Variants in NUDT3 observed in about 807,000 individuals in gnomAD.
NUDT3 encodes the protein diphosphoinositol polyphosphate phosphohydrolase 1.
NUDT3 carries 9 observed loss-of-function variants against 23.6 expected under a neutral mutation model. The observed-to-expected ratio is 0.38, with a 90% CI of 0.23 to 0.66. The LOEUF is 0.66. Among genes scored for constraint, NUDT3 ranks in the 30% least tolerant of loss-of-function variants. The probability of loss-of-function intolerance (pLI) is 0.52; values close to 1 mark genes in which losing one functional copy is unlikely to be tolerated. For synonymous variants in NUDT3, 86 were observed against 82.6 expected (o/e 1.04, Z -0.22); for missense variants, 172 against 218.5 (o/e 0.79, Z 1.34).
intron 1 of NUDT3, among the ~76,000 whole-genome samples, chr6:34,364,638 C>T (rs1764698630): frequency 6.6e-6 from 1 of 152,166 alleles, no homozygotes; most frequent in African/African-American, 2.4e-5. Context: ...CTTTACCTCC[C>T]ATCATAAATC....
In NUDT3 at chr6:34,387,673, TA is replaced by T. The variant is rs752125676; in HGVS notation, c.99+4590del. Among the ~76,000 whole-genome samples the T allele has an allele frequency of 6.7e-3, 658 of 98,768 alleles. 1 individual carries two copies. The highest frequency in any genetic ancestry group is 0.012 in the Middle Eastern group (2 of 166). 64.8% of individuals were successfully genotyped at this position (98,768 alleles called of 152,430 possible). A position where few individuals can be genotyped will look rare whatever the true frequency, so the allele number is the denominator to read the frequency against. ...AACAGAGCAAGATCTCATCTCTTTT[TA>T]AAAAAAAAAAAAAAAAAAAAAAGTG... On this transcript the variant is annotated intron_variant, in intron 1 of 4. Coordinates refer to ENST00000607016, the MANE Select transcript of NUDT3 (RefSeq NM_006703.4).
intron 1 of NUDT3, among the ~76,000 whole-genome samples, chr6:34,377,310 C>T (rs1453047822): frequency 2.0e-5 from 3 of 151,858 alleles, no homozygotes; most frequent in African/African-American, 4.8e-5. Context: ...ATCACTGCAC[C>T]GAGAATAGTG....
intron 2 of NUDT3, among the ~76,000 whole-genome samples, chr6:34,308,459 TCA>T (rs1763718274): frequency 8.6e-6 from 1 of 116,556 alleles, no homozygotes; most frequent in Non-Finnish European, 1.6e-5. Flanking sequence ...AGATCGTCTC[TCA>T]AAAAAAAAAA....
At chr6:34,379,769 C>T (rs572961330) in intron 1 of NUDT3, among the ~76,000 whole-genome samples, 143 of 151,880 alleles carry the variant, frequency 9.4e-4, no homozygotes, top group Non-Finnish European at 1.6e-3. Context: ...AATCTCAGCA[C>T]TTTGGGAGGC....
chr6:34,373,758 C>T (rs1764874711), intron 1 of NUDT3, among the ~76,000 whole-genome samples: 1 of 152,234 alleles, frequency 6.6e-6, no homozygotes, highest in Admixed American at 6.5e-5. Flanking sequence ...ATAGATGCTG[C>T]TGAAGTTGGT....
At chr6:34,328,246 T>C (rs1386906128) in intron 2 of NUDT3, among the ~76,000 whole-genome samples, 2 of 152,132 alleles carry the variant, frequency 1.3e-5, no homozygotes, top group Non-Finnish European at 2.9e-5. Flanking sequence ...TCACACTGGG[T>C]CTTCCCCTTA....
chr6:34,386,386 T>C (rs1765106927), intron 1 of NUDT3, among the ~76,000 whole-genome samples: 1 of 152,220 alleles, frequency 6.6e-6, no homozygotes, highest in African/African-American at 2.4e-5. Context: ...ATTTTCATCA[T>C]GCTGTTTGGT....
Position 34,284,338 on chromosome 6 carries a change from C to T in NUDT3, c.*4415G>A, listed in dbSNP as rs1763310499. 1 of 152,150 alleles carries T rather than the reference C, an allele frequency of 6.6e-6. No individual in the cohort carries two copies. Among genetic ancestry groups the T allele is most frequent in the Admixed American group, 6.6e-5 (1 of 15,256 alleles). The allele number at this position is 152,150 out of a possible 1,614,324, so 9.4% of individuals were successfully genotyped here. On this transcript the variant is annotated 3_prime_UTR_variant, in exon 5 of 5. Coordinates refer to ENST00000607016, the MANE Select transcript of NUDT3 (RefSeq NM_006703.4). ...TAGGATGAAGCTGTATTATCAATTA[C>T]AGAGACAGCCAACTCTCATTTCTCT... is the stretch of plus-strand genomic sequence containing the variant.
At chr6:34,336,594 C>T (rs906762749) in intron 2 of NUDT3, among the ~76,000 whole-genome samples, 6 of 152,120 alleles carry the variant, frequency 3.9e-5, no homozygotes, top group African/African-American at 1.4e-4. Flanking sequence ...TCTAAATTTG[C>T]TTTTGTTACC....
chr6:34,357,585 T>A (rs1346324286), intron 1 of NUDT3, among the ~76,000 whole-genome samples: 1 of 149,650 alleles, frequency 6.7e-6, no homozygotes, highest in African/African-American at 2.5e-5. Flanking sequence ...CTATACTGCA[T>A]CCTGGGTGAC....
chr6:34,351,216 A>AAAAAAAAC (rs1764467352), intron 1 of NUDT3, among the ~76,000 whole-genome samples: 1 of 130,732 alleles, frequency 7.6e-6, no homozygotes, highest in African/African-American at 3.4e-5. Context: ...AAAAAAAAAA[A>AAAAAAAAC]AAAAAAAAAA....
intron 2 of NUDT3, among the ~76,000 whole-genome samples, chr6:34,305,857 TTCTACTGC>T (rs1763671578): frequency 6.6e-6 from 1 of 152,250 alleles, no homozygotes; most frequent in Admixed American, 6.5e-5. Context: ...TGGTTTCTAA[TTCTACTGC>T]ATTCTATCAG....
chr6:34,367,560 T>C (rs1225097743), intron 1 of NUDT3, among the ~76,000 whole-genome samples: 1 of 150,976 alleles, frequency 6.6e-6, no homozygotes, highest in Admixed American at 6.6e-5. Flanking sequence ...GTCATGTAAG[T>C]AAATAAAAGA....
At chr6:34,289,377 A>G (rs1374239231) in intron 4 of NUDT3, among the ~76,000 whole-genome samples, 1 of 152,014 alleles carries the variant, frequency 6.6e-6, no homozygotes, top group East Asian at 1.9e-4. Context: ...GACTGGCCTG[A>G]GCAACATGGC....
intron 3 of NUDT3, 89 bp from the exon 4 acceptor site, chr6:34,293,624 G>A (rs1444757522): frequency 6.9e-7 from 1 of 1,451,680 alleles, no homozygotes; most frequent in African/African-American, 1.4e-5. Context: ...CATATGTCCA[G>A]AGAGCTCAGA....
At chr6:34,369,675 T>C (rs1001398879) in intron 1 of NUDT3, among the ~76,000 whole-genome samples, 2 of 152,230 alleles carry the variant, frequency 1.3e-5, no homozygotes, top group Non-Finnish European at 2.9e-5. Context: ...ATCAACATAT[T>C]GATCTAAAGT....
At chr6:34,295,022 T>C (rs879858890) in intron 3 of NUDT3, among the ~76,000 whole-genome samples, 8 of 152,174 alleles carry the variant, frequency 5.3e-5, no homozygotes, top group Non-Finnish European at 1.2e-4. Flanking sequence ...CTCTTTGTTA[T>C]AGTTACTTAT....
chr6:34,382,905 A>G (rs1765046078), intron 1 of NUDT3, among the ~76,000 whole-genome samples: 1 of 151,834 alleles, frequency 6.6e-6, no homozygotes, highest in South Asian at 2.1e-4. Flanking sequence ...AGGAGGGTGG[A>G]TCACAAGGTC....
chr6:34,362,826 T>G (rs1310240668), intron 1 of NUDT3, among the ~76,000 whole-genome samples: 2 of 152,146 alleles, frequency 1.3e-5, no homozygotes, highest in Non-Finnish European at 2.9e-5. Context: ...ATGGTATTAG[T>G]GGATGTATTT....
Sources: allele counts gnomAD v4.1 joint callset (sites outside exome capture counted in the v4.1 genomes callset), GRCh38; gene constraint gnomAD v4.1.1; transcripts MANE v1.5; gene names NCBI Gene and HGNC (gene_info 2026-07-23, HGNC 2026-07-21).